Variants in PAPOLA observed in about 807,000 individuals in gnomAD.
The protein encoded by PAPOLA is poly(A) polymerase alpha.
A neutral mutation model predicts 100.6 loss-of-function variants in PAPOLA; 15 were observed. The observed-to-expected ratio is 0.15, with a 90% CI of 0.10 to 0.23. The LOEUF (loss-of-function observed/expected upper bound fraction) is 0.23, where lower values mean the gene tolerates loss of function less well. Among genes scored for constraint, PAPOLA ranks in the 10% least tolerant of loss-of-function variants. The pLI is 1.00. For synonymous variants in PAPOLA, 293 were observed against 300.0 expected (o/e 0.98, Z 0.24); for missense variants, 533 against 884.2 (o/e 0.60, Z 5.04).
chr14:96,564,618 G>A (rs1902135771), intron 21 of PAPOLA, among the ~76,000 whole-genome samples: 1 of 152,020 alleles, frequency 6.6e-6, no homozygotes, highest in African/African-American at 2.4e-5. Context: ...AGCTATTAGT[G>A]TTGTAATAAG....
At chr14:96,552,077 G>C (rs1328727309) in intron 16 of PAPOLA, among the ~76,000 whole-genome samples, 1 of 152,064 alleles carries the variant, frequency 6.6e-6, no homozygotes, top group Non-Finnish European at 1.5e-5. Context: ...ATCACTTCTA[G>C]TCCCACTTTC....
intron 19 of PAPOLA, among the ~76,000 whole-genome samples, chr14:96,558,449 C>T (rs1183168971): frequency 6.6e-6 from 1 of 152,064 alleles, no homozygotes; most frequent in African/African-American, 2.4e-5. Flanking sequence ...AAATGGCACC[C>T]TAAGAGCTCT....
chr14:96,531,793 C>CATT lies in PAPOLA; in HGVS notation c.607+209_607+211dup, dbSNP rs1246692151. 5 of 1,438,618 alleles carry CATT rather than the reference C, an allele frequency of 3.5e-6. No homozygotes were observed. In the African/African-American group the frequency reaches 7.2e-5, roughly 21 times the overall value. The allele number at this position is 1,438,618 out of a possible 1,614,324, so 89.1% of individuals were successfully genotyped here. A position where few individuals can be genotyped will look rare whatever the true frequency, so the allele number is the denominator to read the frequency against. On this transcript the variant is annotated intron_variant, in intron 7 of 21. Transcript: ENST00000216277. ...ATTTTATACACTGTATTTCTTCTGT[C>CATT]ATTAATGGTATACTCAGGACACTTA...
At position 96,521,064 on chromosome 14, in the gene PAPOLA, GA is replaced by G; in HGVS notation, c.244del (p.Ser82AlafsTer8). The G allele has an allele frequency of 6.5e-7, 1 of 1,548,792 alleles. No homozygotes were observed. Among genetic ancestry groups the G allele is most frequent in the Non-Finnish European group, 8.9e-7 (1 of 1,123,456 alleles). The stretch of plus-strand genomic sequence containing the variant: ...AAAAGAGTGGATACGAGAAATCAGT[GA>G]AAGCAAGGTAAGGCAACTTTTTTGT... ...LVKEWIREIS[E>X]SKNLPQSVIE... On this transcript the variant is annotated frameshift_variant, in exon 3 of 22. Coordinates refer to ENST00000216277, the MANE Select transcript of PAPOLA (RefSeq NM_032632.5). LOFTEE classifies it high-confidence loss of function.
At chr14:96,555,824 A>T in intron 17 of PAPOLA, 23 bp from the exon 18 acceptor site, 1 of 1,273,002 alleles carries the variant, frequency 7.9e-7, no homozygotes, top group Non-Finnish European at 1.1e-6. Flanking sequence ...TTTTGAGACA[A>T]TTTTTAATTT....
At position 96,556,371 on chromosome 14, in the gene PAPOLA, A is replaced by G; in HGVS notation, c.1962A>G (p.Ser654=). 1 of 1,613,956 alleles carries G rather than the reference A, an allele frequency of 6.2e-7. No individual in the cohort carries two copies. Among genetic ancestry groups the G allele is most frequent in the Non-Finnish European group, 8.5e-7 (1 of 1,179,828 alleles). The part of the protein sequence containing the change: ...TPIVGVKRTS[S]PHKEESPKKT... ...TAGTAGGAGTCAAGAGGACATCCTC[A>G]CCTCATAAAGAAGAGAGTCCCAAGA... is the stretch of plus-strand genomic sequence containing the variant. Residue 654 remains serine, a synonymous_variant, in exon 19 of 22, where the codon TCA becomes TCG. Transcript: ENST00000216277.
chr14:96,528,093 T>C, intron 6 of PAPOLA, 87 bp downstream of exon 6: 3 of 829,712 alleles, frequency 3.6e-6, no homozygotes, highest in Non-Finnish European at 6.3e-6. Context: ...TTAAAGTTTA[T>C]AATTAGTGAG....
chr14:96,507,605 G>T (rs1896822106), intron 1 of PAPOLA, among the ~76,000 whole-genome samples: 1 of 152,154 alleles, frequency 6.6e-6, no homozygotes, highest in Non-Finnish European at 1.5e-5. Flanking sequence ...ATGTTAACAT[G>T]TAATGAGTTT....
chr14:96,524,862 C>T (rs1898332145), intron 3 of PAPOLA, among the ~76,000 whole-genome samples: 1 of 152,072 alleles, frequency 6.6e-6, no homozygotes, highest in Admixed American at 6.5e-5. Flanking sequence ...AAAAAAAATA[C>T]TCTAATATGT....
chr14:96,528,283 A>G (rs1452724334), intron 6 of PAPOLA, among the ~76,000 whole-genome samples: 2 of 152,240 alleles, frequency 1.3e-5, no homozygotes, highest in Non-Finnish European at 2.9e-5. Context: ...GCTTTTCCAT[A>G]TGCCAGTTTT....
chr14:96,539,804 T>C (rs1899834341), intron 12 of PAPOLA, among the ~76,000 whole-genome samples: 1 of 152,190 alleles, frequency 6.6e-6, no homozygotes, highest in Non-Finnish European at 1.5e-5. Context: ...GTACCAATCC[T>C]GGTTTTAAAA....
chr14:96,512,364 C>T (rs1897159862), intron 1 of PAPOLA, among the ~76,000 whole-genome samples: 1 of 152,024 alleles, frequency 6.6e-6, no homozygotes, highest in African/African-American at 2.4e-5. Flanking sequence ...CAGAGCAAGA[C>T]ACCATCTCTA....
At chr14:96,560,848 A>C (rs1427419621) in intron 20 of PAPOLA, 137 bp downstream of exon 20, 1 of 590,666 alleles carries the variant, frequency 1.7e-6, no homozygotes, top group Non-Finnish European at 3.0e-6. Flanking sequence ...TAATTATGTA[A>C]TGCTGAACAC....
intron 6 of PAPOLA, among the ~76,000 whole-genome samples, chr14:96,530,148 A>G (rs1898867710): frequency 6.6e-6 from 1 of 152,206 alleles, no homozygotes; most frequent in Non-Finnish European, 1.5e-5. Flanking sequence ...TTGGCTGAAT[A>G]TAAGGCTATT....
In PAPOLA at chr14:96,566,594, C is replaced by G. The variant is rs961902095; in HGVS notation, c.*1544C>G. 1 of 152,424 alleles carries G rather than the reference C, an allele frequency of 6.6e-6. No homozygotes were observed. Among genetic ancestry groups the G allele is most frequent in the African/African-American group, 2.4e-5 (1 of 41,384 alleles). The allele number at this position is 152,424 out of a possible 1,614,324, so 9.4% of individuals were successfully genotyped here. On this transcript the variant is annotated 3_prime_UTR_variant, in exon 22 of 22. Coordinates refer to ENST00000216277, the MANE Select transcript of PAPOLA (RefSeq NM_032632.5). ...CTGAAGTTGGAGTGTAGTCTTTTCC[C>G]CCTTAGGCTATGCATTAATCGAAGC...
At position 96,565,179 on chromosome 14, in the gene PAPOLA, C is replaced by T. The variant is rs997664353; in HGVS notation, c.*129C>T. ...GGATTTGGGTTTTTTGGTGACCTCC[C>T]TTACTGGGCTAATCAGCACTTGATC... On this transcript the variant is annotated 3_prime_UTR_variant, in exon 22 of 22. Transcript: ENST00000216277. 7.0e-5 allele frequency: 44 copies of T among 625,866 alleles called. No individual in the cohort carries two copies. Among genetic ancestry groups the T allele is most frequent in the African/African-American group, 6.7e-4 (37 of 55,128 alleles). The allele number at this position is 625,866 out of a possible 1,614,324, so 38.8% of individuals were successfully genotyped here.
chr14:96,527,835 G>C (rs976650885), intron 5 of PAPOLA, 118 bp from the exon 6 acceptor site: 3 of 768,386 alleles, frequency 3.9e-6, no homozygotes, highest in Middle Eastern at 2.4e-4. Flanking sequence ...CTGTCTGATC[G>C]AACAGCCCAG....
chr14:96,544,949 C>G (rs1041462104), intron 15 of PAPOLA, among the ~76,000 whole-genome samples: 1 of 152,004 alleles, frequency 6.6e-6, no homozygotes, highest in Non-Finnish European at 1.5e-5. Flanking sequence ...TAACCAAAGA[C>G]CAAATGGTGG....
At chr14:96,540,123 T>C (rs1040280398) in intron 12 of PAPOLA, among the ~76,000 whole-genome samples, 1 of 152,178 alleles carries the variant, frequency 6.6e-6, no homozygotes, top group Non-Finnish European at 1.5e-5. Context: ...ATTCAAAACT[T>C]TGAATTGCCA....
Sources: allele counts gnomAD v4.1 joint callset (sites outside exome capture counted in the v4.1 genomes callset), GRCh38; gene constraint gnomAD v4.1.1; transcripts MANE v1.5; gene names NCBI Gene and HGNC (gene_info 2026-07-23, HGNC 2026-07-21).